Variants in PDE10A observed in about 807,000 individuals in gnomAD.
The protein encoded by PDE10A is phosphodiesterase 10A.
A neutral mutation model predicts 97.7 loss-of-function variants in PDE10A; 39 were observed. That is an observed-to-expected ratio of 0.40 (90% CI 0.31 to 0.52). PDE10A has a LOEUF of 0.52. PDE10A is among the 20% of genes least tolerant of loss of function. The pLI is 0.56. For missense variants in PDE10A, 731 were observed against 1,047.8 expected, an observed-to-expected ratio of 0.70 and a Z score of 4.17; for synonymous variants, 371 against 376.8, an observed-to-expected ratio of 0.98 and a Z score of 0.18.
At chr6:165,405,736 A>G (rs191085412) in intron 13 of PDE10A, among the ~76,000 whole-genome samples, 1 of 152,322 alleles carries the variant, frequency 6.6e-6, no homozygotes, top group African/African-American at 2.4e-5. Flanking sequence ...TTTGAATCCT[A>G]CTACACACAC....
chr6:165,634,346 AGCCTGG>A (rs1229869320), intron 1 of PDE10A, among the ~76,000 whole-genome samples: 1 of 152,106 alleles, frequency 6.6e-6, no homozygotes, highest in Non-Finnish European at 1.5e-5. Context: ...TGGGAGAGTG[AGCCTGG>A]GCTTTCTAGG....
chr6:165,713,377 A>G (rs1387164321), intron 1 of PDE10A, among the ~76,000 whole-genome samples: 2 of 152,254 alleles, frequency 1.3e-5, no homozygotes, highest in Admixed American at 1.3e-4. Flanking sequence ...GAAATAAAGC[A>G]ACTACCTTCA....
At chr6:165,554,353 G>T (rs1044988013) in intron 1 of PDE10A, among the ~76,000 whole-genome samples, 1 of 151,934 alleles carries the variant, frequency 6.6e-6, no homozygotes, top group African/African-American at 2.4e-5. Flanking sequence ...ATGGCCAAAA[G>T]ATTTAAATAG....
intron 1 of PDE10A, among the ~76,000 whole-genome samples, chr6:165,805,220 C>A (rs1467731468): frequency 6.6e-6 from 1 of 152,004 alleles, no homozygotes; most frequent in Non-Finnish European, 1.5e-5. Context: ...TCGCAGGGCA[C>A]CCACTGTGCG....
intron 2 of PDE10A, among the ~76,000 whole-genome samples, chr6:165,503,284 C>T (rs907600598): frequency 7.9e-5 from 12 of 152,152 alleles, no homozygotes; most frequent in African/African-American, 2.2e-4. Context: ...AACTTCTCAA[C>T]GTGACTCATA....
intron 1 of PDE10A, among the ~76,000 whole-genome samples, chr6:165,875,731 G>GTTTTTTTTTTT (rs748111095): frequency 2.8e-4 from 13 of 46,934 alleles, no homozygotes; most frequent in East Asian, 1.5e-3. Flanking sequence ...TTCTTTTACT[G>GTTTTTTTTTTT]TTTTTTTTTT....
intron 2 of PDE10A, among the ~76,000 whole-genome samples, chr6:165,482,654 T>C (rs901312627): frequency 6.6e-6 from 1 of 152,086 alleles, no homozygotes; most frequent in Admixed American, 6.5e-5. Flanking sequence ...ATACCTAAAG[T>C]GGGGTTTATA....
At chr6:165,833,579 G>A (rs1177075808) in intron 1 of PDE10A, among the ~76,000 whole-genome samples, 2 of 152,250 alleles carry the variant, frequency 1.3e-5, no homozygotes, top group Non-Finnish European at 2.9e-5. Flanking sequence ...GGAGGAGCAG[G>A]CAGTGCCCCA....
intron 1 of PDE10A, among the ~76,000 whole-genome samples, chr6:165,709,366 C>A (rs376486237): frequency 7.1e-6 from 1 of 141,836 alleles, no homozygotes; most frequent in Non-Finnish European, 1.5e-5. Flanking sequence ...AATGCTGCCG[C>A]GCTCTCCCCG....
At chr6:165,422,798 A>C (rs1788815675) in intron 10 of PDE10A, among the ~76,000 whole-genome samples, 1 of 152,186 alleles carries the variant, frequency 6.6e-6, no homozygotes, top group Non-Finnish European at 1.5e-5. Context: ...CATTAAAACT[A>C]TACTAAAACT....
intron 1 of PDE10A, among the ~76,000 whole-genome samples, chr6:165,967,869 CA>C (rs1434485572): frequency 6.6e-6 from 1 of 152,196 alleles, no homozygotes; most frequent in East Asian, 1.9e-4. Context: ...GTTTTCACCA[CA>C]AACTCTGCCT....
upstream of PDE10A, among the ~76,000 whole-genome samples, chr6:165,666,671 AC>A (rs1790505680): frequency 7.4e-6 from 1 of 135,224 alleles, no homozygotes; most frequent in South Asian, 2.3e-4. Context: ...GCAGTCCCTC[AC>A]TACAAGTCTT....
chr6:165,505,083 T>C (rs999956435), intron 2 of PDE10A, among the ~76,000 whole-genome samples: 2 of 152,208 alleles, frequency 1.3e-5, no homozygotes, highest in Non-Finnish European at 2.9e-5. Context: ...AAAGCTTCTC[T>C]TCGTAGCTCT....
rs181105429 is a variant in PDE10A, at chr6:165,848,463, T to C, written c.-615+139066A>G. Reference sequence around the variant, plus strand: ...GAAGGCAGCCTTTGTACAAAGTGGCTCTGGACAATAGATCTTTGGCCCCTG... The same window carrying C: ...GAAGGCAGCCTTTGTACAAAGTGGCCCTGGACAATAGATCTTTGGCCCCTG... On this transcript the variant is annotated intron_variant, in intron 1 of 19. Transcript: ENST00000366882. 7.2e-5 allele frequency among the ~76,000 whole-genome samples: 11 copies of C among 152,316 alleles called. No individual in the cohort carries two copies. In the East Asian group the frequency reaches 1.9e-3, roughly 27 times the overall value.
chr6:165,622,498 T>C (rs1439486628), intron 1 of PDE10A, among the ~76,000 whole-genome samples: 2 of 152,190 alleles, frequency 1.3e-5, no homozygotes, highest in Non-Finnish European at 2.9e-5. Context: ...TGTAGACAAC[T>C]GTAACACAAT....
chr6:165,487,123 G>A (rs181538982), intron 2 of PDE10A, among the ~76,000 whole-genome samples: 1 of 152,338 alleles, frequency 6.6e-6, no homozygotes, highest in African/African-American at 2.4e-5. Flanking sequence ...TGCTTGAGAT[G>A]GCAAATGACA....
chr6:165,448,599 G>A (rs756532076), intron 5 of PDE10A, among the ~76,000 whole-genome samples: 2 of 151,966 alleles, frequency 1.3e-5, no homozygotes, highest in Non-Finnish European at 1.5e-5. Flanking sequence ...AGAGGGTACA[G>A]GCATTCCTCT....
At chr6:165,764,432 G>T (rs770049702) in intron 1 of PDE10A, among the ~76,000 whole-genome samples, 10 of 152,124 alleles carry the variant, frequency 6.6e-5, no homozygotes, top group Non-Finnish European at 1.2e-4. Flanking sequence ...CTCCCTATTG[G>T]TGTGTCCGGA....
intron 1 of PDE10A, among the ~76,000 whole-genome samples, chr6:165,649,054 C>G (rs1283723616): frequency 2.0e-5 from 3 of 152,164 alleles, no homozygotes; most frequent in Non-Finnish European, 4.4e-5. Context: ...AGAAAGAGAA[C>G]TAGGTGAGTG....
Sources: gnomAD v4.1 joint callset for allele counts (sites outside exome capture counted in the v4.1 genomes callset) on GRCh38, gnomAD v4.1.1 for gene constraint, MANE v1.5 for transcripts, NCBI Gene and HGNC (gene_info 2026-07-23, HGNC 2026-07-21) for gene names.